ATRX: variants seen among roughly 807,000 people sequenced by gnomAD.
ATRX encodes ATRX chromatin remodeler, also known as chromatin remodeler ATRX.
ATRX carries 12 observed loss-of-function variants against 172.6 expected under a neutral mutation model. The observed-to-expected ratio is 0.07, with a 90% confidence interval of 0.04 to 0.11. The LOEUF is 0.11. Among genes scored for constraint, ATRX ranks in the 10% least tolerant of loss-of-function variants. The probability of loss-of-function intolerance (pLI) is 1.00; values close to 1 mark genes in which losing one functional copy is unlikely to be tolerated. For missense variants in ATRX, 1,368 were observed against 1,767.4 expected (o/e 0.77, Z 4.05); for synonymous variants, 674 against 594.7 (o/e 1.13, Z -1.94).
At chrX:77,546,262 A>G (rs1445726005) in intron 30 of ATRX, among the ~76,000 whole-genome samples, 1 of 111,554 alleles carries the variant, frequency 9.0e-6, no homozygotes, top group Non-Finnish European at 1.9e-5. Context: ...AGGATTAAAT[A>G]AGGTAATGCT....
At chrX:77,549,431 T>C (rs1259588855) in intron 30 of ATRX, among the ~76,000 whole-genome samples, 1 of 112,047 alleles carries the variant, frequency 8.9e-6, no homozygotes, top group Non-Finnish European at 1.9e-5. Flanking sequence ...CTCTGATATC[T>C]GTATAATTAA....
chrX:77,543,594 G>A (rs1159784224), intron 30 of ATRX, among the ~76,000 whole-genome samples: 11 of 111,778 alleles, frequency 9.8e-5, no homozygotes, highest in African/African-American at 3.3e-4. Context: ...TAAAGAAAAC[G>A]TGGCATATAT....
chrX:77,754,093 C>A (rs1017916199), intron 1 of ATRX, among the ~76,000 whole-genome samples: 1 of 111,573 alleles, frequency 9.0e-6, no homozygotes, highest in African/African-American at 3.3e-5. Flanking sequence ...ATGTAATGCC[C>A]TTCTTTGTCC....
intron 2 of ATRX, among the ~76,000 whole-genome samples, chrX:77,702,150 T>C (rs1003741463): frequency 8.9e-6 from 1 of 112,032 alleles, no homozygotes; most frequent in Non-Finnish European, 1.9e-5. Context: ...CACTAAAGAA[T>C]TATTGGAATA....
rs138164256 is a variant in ATRX at position 77,630,199 on chromosome X, A to C, written c.5134+3008T>G. 2.2e-3 allele frequency among the ~76,000 whole-genome samples: 242 copies of C among 112,431 alleles called. No homozygotes were observed. The South Asian group carries it at 0.023, about 11-fold the overall frequency. On this transcript the variant is annotated intron_variant, in intron 19 of 34. Coordinates refer to ENST00000373344, the MANE Select transcript of ATRX (RefSeq NM_000489.6). ...AAGTCCAAGACTTTTACACTAAAGA[A>C]ATTAAAGGACCTAAATCAAATTTCA...
intron 1 of ATRX, among the ~76,000 whole-genome samples, chrX:77,781,441 C>CAA (rs781859880): frequency 2.8e-3 from 80 of 28,502 alleles, no homozygotes; most frequent in African/African-American, 5.8e-3. Flanking sequence ...GACTCTGTCT[C>CAA]AAAAAAAAAA....
chrX:77,759,570 C>T lies in ATRX; in HGVS notation c.20+26412G>A, dbSNP rs1395463376. The stretch of plus-strand genomic sequence containing the variant: ...CTCTACTAAAAATACAAAAATTAGC[C>T]AAGTGTGGTGGTGCACAGCTGTAAT... On this transcript the variant is annotated intron_variant, in intron 1 of 34. Coordinates refer to ENST00000373344, the MANE Select transcript of ATRX (RefSeq NM_000489.6). 2.7e-5 allele frequency among the ~76,000 whole-genome samples: 3 copies of T among 109,554 alleles called. No homozygotes were observed. The Admixed American group carries it at 2.9e-4, about 11-fold the overall frequency.
At chrX:77,551,416 T>C (rs1364628295) in intron 30 of ATRX, among the ~76,000 whole-genome samples, 1 of 112,223 alleles carries the variant, frequency 8.9e-6, no homozygotes, top group African/African-American at 3.2e-5. Flanking sequence ...GCTAGCCATA[T>C]GTAGAAAGCT....
chrX:77,704,662 C>G (rs782620657), intron 2 of ATRX, among the ~76,000 whole-genome samples: 44 of 112,412 alleles, frequency 3.9e-4, no homozygotes, highest in Non-Finnish European at 7.7e-4. Flanking sequence ...ACCCAAAGTC[C>G]AGAGGGGGTC....
rs1408635038 is a variant in ATRX at position 77,750,580 on chromosome X, G to A, written c.21-33337C>T. 3.6e-5 allele frequency among the ~76,000 whole-genome samples: 4 copies of A among 109,994 alleles called. No individual in the cohort carries two copies. In the Admixed American group the frequency reaches 3.9e-4, roughly 11 times the overall value. On this transcript the variant is annotated intron_variant, in intron 1 of 34. Transcript: ENST00000373344. Reference sequence around the variant, plus strand: ...GCAGAACATGCAGGTTTGTTACACAGGTATAGATGTGCCATGGTGGTTTGC... The same window carrying A: ...GCAGAACATGCAGGTTTGTTACACAAGTATAGATGTGCCATGGTGGTTTGC...
intron 2 of ATRX, among the ~76,000 whole-genome samples, chrX:77,712,341 A>G (rs1360214343): frequency 8.9e-6 from 1 of 112,335 alleles, no homozygotes; most frequent in African/African-American, 3.2e-5. Flanking sequence ...CTGTTTGTCC[A>G]ACTGGAGATA....
At chrX:77,713,610 T>A (rs1275135740) in intron 2 of ATRX, among the ~76,000 whole-genome samples, 4 of 111,396 alleles carry the variant, frequency 3.6e-5, no homozygotes, top group African/African-American at 6.5e-5. Context: ...AAATAAATAA[T>A]GACAGAGAAT....
intron 30 of ATRX, among the ~76,000 whole-genome samples, chrX:77,529,348 T>C (rs1485252712): frequency 9.0e-6 from 1 of 111,066 alleles, no homozygotes; most frequent in Non-Finnish European, 1.9e-5. Context: ...CCAAGACACA[T>C]AATCATCAGA....
intron 30 of ATRX, among the ~76,000 whole-genome samples, chrX:77,542,386 T>C (rs958603356): frequency 9.0e-6 from 1 of 111,701 alleles, no homozygotes; most frequent in East Asian, 2.8e-4. Flanking sequence ...AAAATGGCCA[T>C]ACTGACCAAA....
At chrX:77,710,167 C>T (rs1460642679) in intron 2 of ATRX, among the ~76,000 whole-genome samples, 4 of 109,768 alleles carry the variant, frequency 3.6e-5, no homozygotes, top group South Asian at 4.0e-4. Context: ...GGTGTGGTGG[C>T]GCTTGCCTGT....
At chrX:77,729,608 G>T (rs186152466) in intron 1 of ATRX, among the ~76,000 whole-genome samples, 1 of 111,912 alleles carries the variant, frequency 8.9e-6, no homozygotes, top group East Asian at 2.8e-4. Context: ...TCACATGTGC[G>T]TGTGTTTCCA....
At chrX:77,763,963 A>G (rs2075816133) in intron 1 of ATRX, among the ~76,000 whole-genome samples, 1 of 109,761 alleles carries the variant, frequency 9.1e-6, no homozygotes, top group Non-Finnish European at 1.9e-5. Flanking sequence ...AAAATACAAA[A>G]ATGAGCCAGG....
At chrX:77,554,652 T>C (rs2064701403) in intron 30 of ATRX, among the ~76,000 whole-genome samples, 1 of 111,637 alleles carries the variant, frequency 9.0e-6, no homozygotes, top group African/African-American at 3.3e-5. Context: ...ACTTGATTCT[T>C]CCCTTTATCC....
intron 28 of ATRX, among the ~76,000 whole-genome samples, chrX:77,561,408 T>A (rs2147964328): frequency 9.0e-6 from 1 of 111,014 alleles, no homozygotes; most frequent in South Asian, 3.8e-4. Context: ...AATACCTTTT[T>A]TAGATATTCT....
Sources: gnomAD v4.1 joint callset for allele counts (sites outside exome capture counted in the v4.1 genomes callset) on GRCh38, gnomAD v4.1.1 for gene constraint, MANE v1.5 for transcripts, NCBI Gene and HGNC (gene_info 2026-07-23, HGNC 2026-07-21) for gene names.